COL4A4: variants seen among roughly 807,000 people sequenced by gnomAD.
COL4A4 encodes collagen type IV alpha 4 chain, also known as collagen alpha-4(IV) chain.
COL4A4 carries 105 observed loss-of-function variants against 192.9 expected under a neutral mutation model. The ratio of observed to expected loss-of-function variants is 0.54; its 90% confidence interval spans 0.46 to 0.64. The LOEUF is 0.64. Ranked by LOEUF, COL4A4 falls within the 30% of genes least tolerant of loss-of-function variation. The pLI, the probability that COL4A4 is intolerant of heterozygous loss-of-function variation, is 0.00. For missense variants in COL4A4, 1,967 were observed against 2,169.3 expected (o/e 0.91, Z 1.85); for synonymous variants, 762 against 769.9 (o/e 0.99, Z 0.17).
Position 227,035,597 on chromosome 2 carries a change from C to T in COL4A4, c.3506-2116G>A, listed in dbSNP as rs184097886. ...ATCTCTTATTCCTAACCACTTTTTA[C>T]AGTTCTGGCTTAGTTTATTCTCCAA... is the stretch of plus-strand genomic sequence containing the variant. On this transcript the variant is annotated intron_variant, in intron 37 of 47. Coordinates refer to ENST00000396625, the MANE Select transcript of COL4A4 (RefSeq NM_000092.5). Among the ~76,000 whole-genome samples, 690 of 151,714 alleles carry T rather than the reference C, an allele frequency of 4.5e-3. 3 individuals carry two copies. The highest frequency in any genetic ancestry group is 0.011 in the Middle Eastern group (3 of 284).
At chr2:227,050,622 G>A (rs1178166202) in intron 33 of COL4A4, among the ~76,000 whole-genome samples, 2 of 152,190 alleles carry the variant, frequency 1.3e-5, no homozygotes, top group Non-Finnish European at 2.9e-5. Context: ...AGCAAAATCT[G>A]TGATATCTGA....
intron 25 of COL4A4, among the ~76,000 whole-genome samples, chr2:227,070,649 C>T (rs2058659677): frequency 7.2e-6 from 1 of 139,048 alleles, no homozygotes; most frequent in African/African-American, 2.7e-5. Context: ...TATTCTCACT[C>T]ATAGGTGGGA....
At chr2:226,983,323 G>A in the COL4A4 span, among the ~76,000 whole-genome samples, 5 of 152,100 alleles carry the variant, frequency 3.3e-5, no homozygotes, top group African/African-American at 7.2e-5. Flanking sequence ...TTAGCCCTTC[G>A]AAGCATGCTG....
At chr2:227,043,668 G>A (rs759100354) in intron 35 of COL4A4, among the ~76,000 whole-genome samples, 1 of 152,078 alleles carries the variant, frequency 6.6e-6, no homozygotes, top group Non-Finnish European at 1.5e-5. Flanking sequence ...AAATTCCTAG[G>A]AGTAGAATTT....
chr2:227,041,852 A>AAGAAAGAGAGAGAGAGAGAG (rs1553633321), intron 37 of COL4A4, among the ~76,000 whole-genome samples: 6 of 71,360 alleles, frequency 8.4e-5, no homozygotes, highest in South Asian at 4.8e-4. Context: ...AAGAAAGAGA[A>AAGAAAGAGAGAGAGAGAGAG]AGAAAGAAAG....
intron 25 of COL4A4, among the ~76,000 whole-genome samples, chr2:227,071,011 A>G (rs1576312399): frequency 6.6e-6 from 1 of 152,108 alleles, no homozygotes; most frequent in South Asian, 2.1e-4. Context: ...CAATGAAAAG[A>G]CAACTATCTG....
At chr2:227,074,606 G>A (rs552466048) in intron 25 of COL4A4, among the ~76,000 whole-genome samples, 1 of 152,308 alleles carries the variant, frequency 6.6e-6, no homozygotes, top group South Asian at 2.1e-4. Context: ...GCACATGTAT[G>A]TTTATAGCAG....
In COL4A4 at chr2:227,055,435, C is replaced by T. The variant is rs145486794; in HGVS notation, c.2716+510G>A. Among the ~76,000 whole-genome samples, 861 of 152,050 alleles carry T rather than the reference C, an allele frequency of 5.7e-3. 5 individuals are homozygous for T. The highest frequency in any genetic ancestry group is 0.02 in the African/African-American group (826 of 41,440). On this transcript the variant is annotated intron_variant, in intron 30 of 47. Coordinates refer to ENST00000396625, the MANE Select transcript of COL4A4 (RefSeq NM_000092.5). ...ACTTGAGCCCAGGAGTTCAAGGCTG[C>T]AGTGAGCTATGATCCTGCCACTGCC...
chr2:227,060,278 A>G (rs763779647), intron 26 of COL4A4, 35 bp from the exon 27 acceptor site: 7 of 1,407,970 alleles, frequency 5.0e-6, no homozygotes, highest in Non-Finnish European at 7.0e-6. Flanking sequence ...CAGACTCAAT[A>G]AAACAAAATC....
At chr2:227,027,327 G>C in intron 42 of COL4A4, among the ~76,000 whole-genome samples, 1 of 149,576 alleles carries the variant, frequency 6.7e-6, no homozygotes, top group Non-Finnish European at 1.5e-5. Flanking sequence ...GTCCTTTGTA[G>C]GGACATGGAT....
At chr2:227,047,731 C>CCCCACACACACACA (rs146752317) in intron 34 of COL4A4, among the ~76,000 whole-genome samples, 182 bp from the exon 35 acceptor site, 1 of 146,228 alleles carries the variant, frequency 6.8e-6, no homozygotes, top group Non-Finnish European at 1.5e-5. Context: ...AATTTACATA[C>CCCCACACACACACA]CACACACACA....
Position 227,094,089 on chromosome 2 carries a change from A to G in COL4A4, c.1369+36T>C, listed in dbSNP as rs1446635438. The G allele has an allele frequency of 4.4e-6, 7 of 1,592,858 alleles. No homozygotes were observed. In the Admixed American group the frequency reaches 1.0e-4, roughly 23 times the overall value. ...TGGCACTGCAAATATCAAAAGCAGCATAAATGCTAATGGATATGAATAAGG... is the reference window on the plus strand; with the variant it reads ...TGGCACTGCAAATATCAAAAGCAGCGTAAATGCTAATGGATATGAATAAGG... On this transcript the variant is annotated intron_variant, in intron 20 of 47. Transcript: ENST00000396625.
intron 2 of COL4A4, among the ~76,000 whole-genome samples, chr2:227,145,339 C>G (rs1167246072): frequency 6.6e-6 from 1 of 152,030 alleles, no homozygotes; most frequent in African/African-American, 2.4e-5. Flanking sequence ...CCCAGCTACT[C>G]CGGAGGCTGA....
intron 43 of COL4A4, 99 bp downstream of exon 43, chr2:227,025,703 A>G: frequency 9.1e-7 from 1 of 1,101,450 alleles, no homozygotes; most frequent in Non-Finnish European, 1.4e-6. Flanking sequence ...ATAAAAATGT[A>G]ACAAAGTTTA....
intron 44 of COL4A4, among the ~76,000 whole-genome samples, chr2:227,012,573 AG>A (rs971898873): frequency 2.0e-5 from 3 of 146,350 alleles, no homozygotes; most frequent in African/African-American, 7.6e-5. Context: ...AAGCCAGACC[AG>A]GGAGGTGTTG....
chr2:227,016,649 G>A (rs1166128446), intron 44 of COL4A4, among the ~76,000 whole-genome samples: 2 of 152,118 alleles, frequency 1.3e-5, no homozygotes, highest in African/African-American at 4.8e-5. Context: ...TGATTGTAAA[G>A]TCACGTCCTC....
At chr2:227,155,483 C>T (rs984209711) in intron 1 of COL4A4, among the ~76,000 whole-genome samples, 5 of 152,188 alleles carry the variant, frequency 3.3e-5, no homozygotes, top group Non-Finnish European at 7.4e-5. Context: ...AGAATGACAT[C>T]TTGATTCAGA....
intron 17 of COL4A4, among the ~76,000 whole-genome samples, chr2:227,100,230 C>G (rs2060430881): frequency 6.6e-6 from 1 of 152,126 alleles, no homozygotes; most frequent in South Asian, 2.1e-4. Flanking sequence ...AAGCAGAAAA[C>G]TCTCTAAGAT....
At chr2:227,102,051 T>C (rs2060553965) in intron 15 of COL4A4, 142 bp from the exon 16 acceptor site, 1 of 602,836 alleles carries the variant, frequency 1.7e-6, no homozygotes, top group African/African-American at 1.9e-5. Context: ...AGGAAATAAA[T>C]ATAAAATAGA....
Sources: allele counts gnomAD v4.1 joint callset (sites outside exome capture counted in the v4.1 genomes callset), GRCh38; gene constraint gnomAD v4.1.1; transcripts MANE v1.5; gene names NCBI Gene and HGNC (gene_info 2026-07-23, HGNC 2026-07-21).